Variants in C11orf68 observed in about 807,000 individuals in gnomAD.
C11orf68 encodes UPF0696 protein C11orf68.
In C11orf68, 3 loss-of-function variants were observed where a neutral mutation model predicts 4.7. The ratio of observed to expected loss-of-function variants is 0.64; its 90% CI spans 0.29 to 1.66. The LOEUF (loss-of-function observed/expected upper bound fraction) is 1.66. C11orf68 is among the 40% of genes most tolerant of loss of function. The probability of loss-of-function intolerance (pLI) is 0.10; values close to 1 mark genes in which losing one functional copy is unlikely to be tolerated. For missense variants in C11orf68, 422 were observed against 408.0 expected, an observed-to-expected ratio of 1.03 and a Z score of -0.30; for synonymous variants, 186 against 167.8, an observed-to-expected ratio of 1.11 and a Z score of -0.84.
In C11orf68 at chr11:65,918,970, G is replaced by T; in HGVS notation, c.62C>A (p.Pro21Gln). The T allele has an allele frequency of 8.4e-7, 1 of 1,192,494 alleles. No individual in the cohort carries two copies. The highest frequency in any genetic ancestry group is 1.0e-6 in the Non-Finnish European group (1 of 962,982). The allele number at this position is 1,192,494 out of a possible 1,614,324, so 73.9% of individuals were successfully genotyped here. A position where few individuals can be genotyped will look rare whatever the true frequency, so the allele number is the denominator to read the frequency against. The change falls in exon 1 of 2, where the codon CCA becomes CAA. Residue 21 changes from proline (P) to glutamine (Q), a missense_variant. By Grantham distance (76) the Pro-to-Gln change is moderately conservative. Coordinates refer to ENST00000438576, the MANE Select transcript of C11orf68 (RefSeq NM_001135635.2). ...GVGRGGGGAE[P>Q]RQERSRARGW... ...CCGGGCCCGGCTCCGCTCCTGCCGT[G>T]GCTCCGCGCCACCGCCACCGCGCCC...
intron 1 of C11orf68, among the ~76,000 whole-genome samples, chr11:65,918,698 G>C (rs920129886): frequency 2.6e-5 from 4 of 152,202 alleles, no homozygotes; most frequent in East Asian, 1.9e-4. Context: ...AGGCGTTATC[G>C]GGCCCACTTA....
At chr11:65,918,799 T>C in intron 1 of C11orf68, 111 bp downstream of exon 1, 1 of 1,007,428 alleles carries the variant, frequency 9.9e-7, no homozygotes. Flanking sequence ...TGTTAGAGCC[T>C]GCAGGAGAGC....
chr11:65,918,088 G>A lies in C11orf68; in HGVS notation c.253C>T (p.Arg85Cys), dbSNP rs1025362061. 2.5e-6 allele frequency: 4 copies of A among 1,610,774 alleles called. No homozygotes were observed. Among genetic ancestry groups the A allele is most frequent in the Middle Eastern group, 1.6e-4 (1 of 6,064 alleles). ...DMDPWLVFDARTTPATELDAW... is the reference protein window; with the variant it reads ...DMDPWLVFDACTTPATELDAW... ...TCCAGCTCAGTGGCAGGCGTTGTGC[G>A]GGCATCAAACACTAGCCAGGGGTCC... is the stretch of plus-strand genomic sequence containing the variant. The change falls in exon 2 of 2, where the codon CGC (arginine) becomes TGC (cysteine). Residue 85 changes from arginine (R) to cysteine (C), a missense_variant. By Grantham distance (180) the Arg-to-Cys change is radical (BLOSUM62 -3). Coordinates refer to ENST00000438576, the MANE Select transcript of C11orf68 (RefSeq NM_001135635.2).
At position 65,919,018 on chromosome 11, in the gene C11orf68, G is replaced by T; in HGVS notation, c.14C>A (p.Ala5Glu). The change falls in exon 1 of 2, where the codon GCG becomes GAG. Residue 5 changes from alanine (A) to glutamate (E), a missense_variant. Coordinates refer to ENST00000438576, the MANE Select transcript of C11orf68 (RefSeq NM_001135635.2). ...CCCCACCCCCGCCACGGCCGCCGCC[G>T]CCGCCGCCGCCATCTTAGCGCCGCG... MAAA[A>E]AAAVAGVGRG... 8.8e-7 allele frequency: 1 copy of T among 1,139,462 alleles called. No individual in the cohort carries two copies. Among genetic ancestry groups the T allele is most frequent in the Non-Finnish European group, 1.1e-6 (1 of 934,494 alleles). 70.6% of individuals were successfully genotyped at this position (1,139,462 alleles called of 1,614,324 possible).
At chr11:65,918,327 C>T (rs1055763396) in intron 1 of C11orf68, 109 bp from the exon 2 acceptor site, 4 of 1,281,434 alleles carry the variant, frequency 3.1e-6, no homozygotes, top group Non-Finnish European at 1.0e-6. Context: ...GCCTCAGTTG[C>T]CTCATCTTTA....
Position 65,917,429 on chromosome 11 carries a change from G to A in C11orf68, c.*30C>T, listed in dbSNP as rs770687734. The stretch of plus-strand genomic sequence containing the variant: ...AGGATCCAACCCCAGCATGGAGGGG[G>A]GAGTGGGCAGTCTCCCCAATTTGGC... On this transcript the variant is annotated 3_prime_UTR_variant, in exon 2 of 2. Coordinates refer to ENST00000438576, the MANE Select transcript of C11orf68 (RefSeq NM_001135635.2). The A allele has an allele frequency of 3.2e-6, 5 of 1,573,782 alleles. No homozygotes were observed. The Admixed American group carries it at 5.3e-5, about 17-fold the overall frequency.
intron 1 of C11orf68, 102 bp from the exon 2 acceptor site, chr11:65,918,320 T>G (rs531939263): frequency 7.7e-7 from 1 of 1,302,210 alleles, no homozygotes; most frequent in East Asian, 2.7e-5. Flanking sequence ...TCGATGCGCC[T>G]CAGTTGCCTC....
rs1276737859 is a variant in C11orf68, at chr11:65,917,092, G to T, written c.*367C>A. The T allele has an allele frequency of 4.4e-6, 1 of 229,246 alleles. No homozygotes were observed. The highest frequency in any genetic ancestry group is 9.5e-5 in the East Asian group (1 of 10,480). 14.2% of individuals were successfully genotyped at this position (229,246 alleles called of 1,614,324 possible). A position where few individuals can be genotyped will look rare whatever the true frequency, so the allele number is the denominator to read the frequency against. ...GGAAGCACTAAGTTTTCTCTCTCCTGAGGGGGAAGGAAAGAAGGGGAGATG... is the reference window on the plus strand; with the variant it reads ...GGAAGCACTAAGTTTTCTCTCTCCTTAGGGGGAAGGAAAGAAGGGGAGATG... On this transcript the variant is annotated 3_prime_UTR_variant, in exon 2 of 2. Coordinates refer to ENST00000438576, the MANE Select transcript of C11orf68 (RefSeq NM_001135635.2).
intron 1 of C11orf68, among the ~76,000 whole-genome samples, chr11:65,918,694 T>C (rs1854496870): frequency 6.6e-6 from 1 of 152,178 alleles, no homozygotes; most frequent in Non-Finnish European, 1.5e-5. Context: ...AGGCAGGCGT[T>C]ATCGGGCCCA....
Position 65,917,665 on chromosome 11 carries a change from C to A in C11orf68, c.676G>T (p.Gly226Cys). Residue 226 changes from glycine to cysteine, a missense_variant, in exon 2 of 2, where the codon GGT becomes TGT. By Grantham distance (159) the Gly-to-Cys change is radical. Transcript: ENST00000438576. ...ATGGCTGAATCCGCCTCCAGTACACCCAAGCGGTCCGTGAAGTCGTCCGTG... is the reference window on the plus strand; with the variant it reads ...ATGGCTGAATCCGCCTCCAGTACACACAAGCGGTCCGTGAAGTCGTCCGTG... ...VYTDDFTDRL[G>C]VLEADSAIRA... 6.2e-7 allele frequency: 1 copy of A among 1,614,010 alleles called. No homozygotes were observed. The highest frequency in any genetic ancestry group is 1.3e-5 in the African/African-American group (1 of 75,024).
intron 1 of C11orf68, 91 bp downstream of exon 1, chr11:65,918,819 G>A: frequency 9.4e-7 from 1 of 1,060,942 alleles, no homozygotes; most frequent in East Asian, 7.8e-5. Flanking sequence ...CCAGGCTCCG[G>A]CCGTGCCGCG....
Position 65,919,038 on chromosome 11 carries a change from G to C in C11orf68, c.-7C>G, listed in dbSNP as rs7941334. The C allele has an allele frequency of 1.8e-6, 2 of 1,135,568 alleles. No individual in the cohort carries two copies. Among genetic ancestry groups the C allele is most frequent in the African/African-American group, 1.6e-5 (1 of 60,634 alleles). 70.3% of individuals were successfully genotyped at this position (1,135,568 alleles called of 1,614,324 possible). ...CCGCCGCCGCCGCCGCCATCTTAGC[G>C]CCGCGCCACCTCAACAACAACTTTA... On this transcript the variant is annotated 5_prime_UTR_variant, in exon 1 of 2. Transcript: ENST00000438576.
At chr11:65,918,583 T>C (rs1854494909) in intron 1 of C11orf68, among the ~76,000 whole-genome samples, 1 of 151,280 alleles carries the variant, frequency 6.6e-6, no homozygotes, top group Non-Finnish European at 1.5e-5. Flanking sequence ...AAGGCCCCCT[T>C]TTCCTGGCAG....
At position 65,918,087 on chromosome 11, in the gene C11orf68, C is replaced by T; in HGVS notation, c.254G>A (p.Arg85His). 1 of 1,610,722 alleles carries T rather than the reference C, an allele frequency of 6.2e-7. No individual in the cohort carries two copies. The highest frequency in any genetic ancestry group is 8.5e-7 in the Non-Finnish European group (1 of 1,178,468). The stretch of plus-strand genomic sequence containing the variant: ...ATCCAGCTCAGTGGCAGGCGTTGTG[C>T]GGGCATCAAACACTAGCCAGGGGTC... ...DMDPWLVFDA[R>H]TTPATELDAW... Residue 85 changes from arginine (R) to histidine (H), a missense_variant, in exon 2 of 2, where the codon CGC (arginine) becomes CAC (histidine). Transcript: ENST00000438576.
In C11orf68 at chr11:65,918,131, C is replaced by T. The variant is rs755258694; in HGVS notation, c.210G>A (p.Glu70=). The T allele has an allele frequency of 3.1e-6, 5 of 1,598,688 alleles. 1 individual carries two copies. The South Asian group carries it at 5.6e-5, about 18-fold the overall frequency. The part of the protein sequence containing the change: ...DGFTAEHLAA[E]AMAADMDPWL... ...AGGGGTCCATGTCAGCTGCCATGGC[C>T]TCTGCAGCCAGGTGCTCGGCGGTGA... is the stretch of plus-strand genomic sequence containing the variant. The change falls in exon 2 of 2, where the codon GAG becomes GAA. Residue 70 remains glutamate (E), a synonymous_variant. Coordinates refer to ENST00000438576, the MANE Select transcript of C11orf68 (RefSeq NM_001135635.2).
In C11orf68 at chr11:65,918,997, AC is replaced by A. The variant is rs1854504831; in HGVS notation, c.34del (p.Val12TrpfsTer69). The A allele has an allele frequency of 1.7e-6, 2 of 1,157,346 alleles. No individual in the cohort carries two copies. Among genetic ancestry groups the A allele is most frequent in the Admixed American group, 4.9e-5 (1 of 20,562 alleles). 71.7% of individuals were successfully genotyped at this position (1,157,346 alleles called of 1,614,324 possible). Reference sequence around the variant, plus strand: ...CTCCGCGCCACCGCCACCGCGCCCCACCCCCGCCACGGCCGCCGCCGCCGCC... The same window carrying A: ...CTCCGCGCCACCGCCACCGCGCCCCACCCCGCCACGGCCGCCGCCGCCGCC... Reference protein sequence around the residue: ...AAAAAAAVAGVGRGGGGAEPR... With the variant: ...AAAAAAAVAGXGRGGGGAEPR... On this transcript the variant is annotated frameshift_variant, in exon 1 of 2. Coordinates refer to ENST00000438576, the MANE Select transcript of C11orf68 (RefSeq NM_001135635.2). LOFTEE classifies it high-confidence loss of function.
Position 65,917,821 on chromosome 11 carries a change from G to A in C11orf68, c.520C>T (p.His174Tyr). The change falls in exon 2 of 2, where the codon CAT becomes TAT. Residue 174 changes from histidine (H) to tyrosine (Y), a missense_variant. Coordinates refer to ENST00000438576, the MANE Select transcript of C11orf68 (RefSeq NM_001135635.2). ...HHVLSGKWLM[H>Y]LAPGFKLDHA... ...TCCAGCTTGAAGCCCGGTGCCAGAT[G>A]CATAAGCCACTTGCCCGAGAGCACG... The A allele has an allele frequency of 6.2e-7, 1 of 1,612,020 alleles. No individual in the cohort carries two copies. The highest frequency in any genetic ancestry group is 2.2e-5 in the East Asian group (1 of 44,876).
In C11orf68 at chr11:65,918,944, C is replaced by T. The variant is rs1330957913; in HGVS notation, c.88G>A (p.Gly30Ser). The change falls in exon 1 of 2, where the codon GGC (glycine) becomes AGC (serine). Residue 30 changes from glycine to serine, a missense_variant. Coordinates refer to ENST00000438576, the MANE Select transcript of C11orf68 (RefSeq NM_001135635.2). Reference protein sequence around the residue: ...EPRQERSRARGWAGVERSEGR... With the variant: ...EPRQERSRARSWAGVERSEGR... ...TCGCTGCGTTCGACGCCGGCCCAGC[C>T]CCGGGCCCGGCTCCGCTCCTGCCGT... The T allele has an allele frequency of 3.2e-6, 4 of 1,246,866 alleles. No individual in the cohort carries two copies. The highest frequency in any genetic ancestry group is 1.6e-5 in the African/African-American group (1 of 62,610). 77.2% of individuals were successfully genotyped at this position (1,246,866 alleles called of 1,614,324 possible). A position where few individuals can be genotyped will look rare whatever the true frequency, so the allele number is the denominator to read the frequency against.
At position 65,917,263 on chromosome 11, in the gene C11orf68, C is replaced by G. The variant is rs1477629753; in HGVS notation, c.*196G>C. 1 of 658,550 alleles carries G rather than the reference C, an allele frequency of 1.5e-6. No homozygotes were observed. The highest frequency in any genetic ancestry group is 2.0e-5 in the South Asian group (1 of 49,626). The allele number at this position is 658,550 out of a possible 1,614,324, so 40.8% of individuals were successfully genotyped here. A position where few individuals can be genotyped will look rare whatever the true frequency, so the allele number is the denominator to read the frequency against. ...AGGCTCATCCCTCAGGGAACCGGAG[C>G]CCCCCAGCCTGTGGGGCTTGTGTCA... On this transcript the variant is annotated 3_prime_UTR_variant, in exon 2 of 2. Transcript: ENST00000438576.
Sources: allele counts gnomAD v4.1 joint callset (sites outside exome capture counted in the v4.1 genomes callset), GRCh38; gene constraint gnomAD v4.1.1; transcripts MANE v1.5; gene names NCBI Gene and HGNC (gene_info 2026-07-23, HGNC 2026-07-21).